Variants in TRAPPC9 observed in about 807,000 individuals in gnomAD.
TRAPPC9 encodes IKK2 binding protein.
A neutral mutation model predicts 124.0 loss-of-function variants in TRAPPC9; 83 were observed. The ratio of observed to expected loss-of-function variants is 0.67; its 90% CI spans 0.56 to 0.80. TRAPPC9 has a LOEUF of 0.80. Ranked by LOEUF, TRAPPC9 falls within the 30% of genes least tolerant of loss-of-function variation. The probability of loss-of-function intolerance (pLI) is 0.00; values close to 1 mark genes in which losing one functional copy is unlikely to be tolerated. For missense variants in TRAPPC9, 1,302 were observed against 1,508.3 expected (o/e 0.86, Z 2.27); for synonymous variants, 638 against 617.5 (o/e 1.03, Z -0.49).
intron 21 of TRAPPC9, among the ~76,000 whole-genome samples, chr8:139,878,600 AG>A (rs1829480454): frequency 6.6e-6 from 1 of 152,146 alleles, no homozygotes; most frequent in South Asian, 2.1e-4. Context: ...GGGCTGTGGC[AG>A]GGCTCGGAAA....
intron 10 of TRAPPC9, among the ~76,000 whole-genome samples, chr8:140,308,115 G>T (rs1051471445): frequency 1.3e-5 from 2 of 152,034 alleles, no homozygotes; most frequent in African/African-American, 4.8e-5. Context: ...GGGAAGCACA[G>T]GCATTCCAAG....
intron 9 of TRAPPC9, among the ~76,000 whole-genome samples, chr8:140,320,695 T>G (rs1391198160): frequency 6.6e-6 from 1 of 152,210 alleles, no homozygotes; most frequent in Non-Finnish European, 1.5e-5. Flanking sequence ...TGAAGAGTAT[T>G]ATTCTCCATT....
chr8:140,022,558 T>C (rs1839886405), intron 18 of TRAPPC9, among the ~76,000 whole-genome samples: 1 of 152,126 alleles, frequency 6.6e-6, no homozygotes. Flanking sequence ...CGAACTCAGC[T>C]GATGACAACC....
chr8:139,731,867 G>C, intron 22 of TRAPPC9, 112 bp downstream of exon 22: 1 of 999,588 alleles, frequency 1.0e-6, no homozygotes, highest in Non-Finnish European at 1.5e-6. Context: ...CAGAACCCCT[G>C]CTGCTATCGT....
intron 21 of TRAPPC9, among the ~76,000 whole-genome samples, chr8:139,856,442 G>C (rs529818070): frequency 6.6e-6 from 1 of 152,108 alleles, no homozygotes; most frequent in Admixed American, 6.5e-5. Flanking sequence ...CTCTGGGACC[G>C]GGAGGCCAGG....
intron 7 of TRAPPC9, among the ~76,000 whole-genome samples, chr8:140,382,124 C>T (rs967908771): frequency 6.6e-6 from 1 of 152,180 alleles, no homozygotes; most frequent in African/African-American, 2.4e-5. Flanking sequence ...CTCCATATAG[C>T]GGATACTAAG....
At chr8:140,385,767 A>C (rs991216827) in intron 7 of TRAPPC9, among the ~76,000 whole-genome samples, 3 of 152,226 alleles carry the variant, frequency 2.0e-5, no homozygotes, top group African/African-American at 7.2e-5. Flanking sequence ...ATTCCTTCTG[A>C]AACTATTCCA....
chr8:140,136,750 A>G (rs986648709), intron 17 of TRAPPC9, among the ~76,000 whole-genome samples: 4 of 152,138 alleles, frequency 2.6e-5, no homozygotes, highest in African/African-American at 9.7e-5. Flanking sequence ...ACGCAGGAGA[A>G]TCACTTGAAC....
intron 5 of TRAPPC9, among the ~76,000 whole-genome samples, chr8:140,424,493 G>A (rs985741870): frequency 6.6e-6 from 1 of 151,812 alleles, no homozygotes; most frequent in Non-Finnish European, 1.5e-5. Flanking sequence ...AAAATTAGCT[G>A]GGCATGGTGG....
In TRAPPC9 at chr8:140,097,145, G is replaced by C. The variant is rs1157937218; in HGVS notation, c.2557-73066C>G. ...CTACCCGGCTCCAGGTCTGGTTCTC[G>C]TGCACTGCTGCAGCAGTGCTGTCGT... On this transcript the variant is annotated intron_variant, in intron 17 of 22. Transcript: ENST00000438773. This position sits in a 1 kb window ranked among gnomAD's most constrained non-coding sequence, Gnocchi z 4.2. 1 of 152,224 alleles carries C rather than the reference G, an allele frequency of 6.6e-6. No individual in the cohort carries two copies. Among genetic ancestry groups the C allele is most frequent in the African/African-American group, 2.4e-5 (1 of 41,434 alleles). 9.4% of individuals were successfully genotyped at this position (152,224 alleles called of 1,614,324 possible). A position where few individuals can be genotyped will look rare whatever the true frequency, so the allele number is the denominator to read the frequency against.
chr8:139,749,579 C>A (rs1819178175), intron 21 of TRAPPC9, among the ~76,000 whole-genome samples: 1 of 152,244 alleles, frequency 6.6e-6, no homozygotes, highest in South Asian at 2.1e-4. Context: ...TACCCCCAGA[C>A]TGTCCTCACA....
chr8:139,841,462 C>G (rs958723733), intron 21 of TRAPPC9, among the ~76,000 whole-genome samples: 6 of 152,208 alleles, frequency 3.9e-5, no homozygotes, highest in Non-Finnish European at 2.9e-5. Context: ...CCTGTCTCCC[C>G]CAGCGTGCCT....
At chr8:139,946,421 G>A (rs74455384) in intron 19 of TRAPPC9, among the ~76,000 whole-genome samples, 1,952 of 151,250 alleles carry the variant, frequency 0.013, 42 homozygotes, top group African/African-American at 0.045. Context: ...TATAGCAGGC[G>A]CTTGAGAATC....
intron 16 of TRAPPC9, among the ~76,000 whole-genome samples, chr8:140,224,616 A>G (rs1033266385): frequency 9.9e-5 from 15 of 152,210 alleles, no homozygotes; most frequent in Admixed American, 2.0e-4. Flanking sequence ...GAACCATGTC[A>G]GTCCCTGCAA....
intron 21 of TRAPPC9, among the ~76,000 whole-genome samples, chr8:139,747,274 C>G (rs980299977): frequency 6.6e-6 from 1 of 152,170 alleles, no homozygotes; most frequent in African/African-American, 2.4e-5. Flanking sequence ...ACTTTCTCAT[C>G]TGCCAATCAG....
At chr8:139,755,257 AG>A (rs1449579355) in intron 21 of TRAPPC9, among the ~76,000 whole-genome samples, 2 of 152,196 alleles carry the variant, frequency 1.3e-5, no homozygotes, top group Non-Finnish European at 2.9e-5. Flanking sequence ...GAAGCCAGCC[AG>A]GGTTTGGGGA....
chr8:139,777,955 G>A (rs1448327204), intron 21 of TRAPPC9, among the ~76,000 whole-genome samples: 1 of 152,028 alleles, frequency 6.6e-6, no homozygotes. Flanking sequence ...ACAGAATACT[G>A]GAAAGGAGAC....
At chr8:139,958,799 G>A (rs1835165091) in intron 19 of TRAPPC9, among the ~76,000 whole-genome samples, 1 of 152,236 alleles carries the variant, frequency 6.6e-6, no homozygotes, top group Non-Finnish European at 1.5e-5. Context: ...CTTTCCACAA[G>A]GAAAAGGGGA....
At chr8:140,239,305 G>A (rs551927415) in intron 16 of TRAPPC9, among the ~76,000 whole-genome samples, 2 of 152,318 alleles carry the variant, frequency 1.3e-5, no homozygotes, top group South Asian at 2.1e-4. Flanking sequence ...TGGAGAGACC[G>A]AGCCTAGGAA....
Sources: allele counts gnomAD v4.1 joint callset (sites outside exome capture counted in the v4.1 genomes callset), GRCh38; gene constraint gnomAD v4.1.1; non-coding constraint Gnocchi (gnomAD v3.1); transcripts MANE v1.5; gene names NCBI Gene and HGNC (gene_info 2026-07-23, HGNC 2026-07-21).